DNAH3: variants seen among roughly 807,000 people sequenced by gnomAD.
The protein encoded by DNAH3 is axonemal beta dynein heavy chain 3.
In DNAH3, 332 loss-of-function variants were observed where a neutral mutation model predicts 432.5. The observed-to-expected ratio is 0.77, with a 90% CI of 0.70 to 0.84. The LOEUF (loss-of-function observed/expected upper bound fraction) is 0.84. DNAH3 is among the 40% of genes least tolerant of loss of function. The probability of loss-of-function intolerance (pLI) is 0.00; values close to 1 mark genes in which losing one functional copy is unlikely to be tolerated. For synonymous variants in DNAH3, 1,956 were observed against 1,900.2 expected, an observed-to-expected ratio of 1.03 and a Z score of -0.76; for missense variants, 4,861 against 5,114.0, an observed-to-expected ratio of 0.95 and a Z score of 1.51.
intron 42 of DNAH3, 138 bp from the exon 43 acceptor site, chr16:21,000,656 A>G (rs1011705307): frequency 1.5e-6 from 1 of 682,298 alleles, no homozygotes; most frequent in African/African-American, 1.8e-5. Context: ...TAACCTCTCC[A>G]TGGGCCTCAG....
intron 11 of DNAH3, among the ~76,000 whole-genome samples, chr16:21,117,641 C>G (rs17694467): frequency 0.18 from 27,573 of 152,136 alleles, 2,717 homozygotes; most frequent in South Asian, 0.23. Context: ...TTCCCTGTTT[C>G]AGGCTCACCT....
intron 49 of DNAH3, among the ~76,000 whole-genome samples, chr16:20,981,656 C>T (rs776241105): frequency 7.2e-5 from 11 of 151,966 alleles, no homozygotes; most frequent in Non-Finnish European, 1.2e-4. Context: ...ACCCGGGAGG[C>T]GGAGGTTGCT....
chr16:21,046,584 G>A (rs2089708358), intron 31 of DNAH3, among the ~76,000 whole-genome samples: 1 of 151,956 alleles, frequency 6.6e-6, no homozygotes, highest in South Asian at 2.1e-4. Flanking sequence ...CATGTGAGAT[G>A]GGTTTCCTGA....
chr16:20,955,045 G>A, exon 55 of DNAH3: 2 of 1,606,796 alleles, frequency 1.2e-6, no homozygotes, highest in Admixed American at 3.4e-5. Context: ...ATGGATAGCT[G>A]GTTAGCCAGA....
chr16:21,060,501 C>A, intron 25 of DNAH3, 145 bp from the exon 26 acceptor site: 1 of 579,954 alleles, frequency 1.7e-6, no homozygotes, highest in East Asian at 2.9e-5. Flanking sequence ...CTCTGTCTCC[C>A]CGTTCTTTTT....
Position 20,952,563 on chromosome 16 carries a change from A to G in DNAH3, c.11072-14T>C. Reference sequence around the variant, plus strand: ...GAATATTCCACCCTGCGTGTGGGAGAGCAGAGAGAGGCTTCAGTGCTGAGA... The same window carrying G: ...GAATATTCCACCCTGCGTGTGGGAGGGCAGAGAGAGGCTTCAGTGCTGAGA... On this transcript the variant is annotated splice_polypyrimidine_tract_variant and intron_variant, in intron 55 of 61. Coordinates refer to ENST00000261383, the Ensembl canonical transcript of DNAH3. 1 of 1,522,534 alleles carries G rather than the reference A, an allele frequency of 6.6e-7. No individual in the cohort carries two copies. The highest frequency in any genetic ancestry group is 9.1e-7 in the Non-Finnish European group (1 of 1,097,454). The allele number at this position is 1,522,534 out of a possible 1,614,324, so 94.3% of individuals were successfully genotyped here.
At chr16:21,140,508 C>T (rs747926983) in intron 5 of DNAH3, 28 bp downstream of exon 6, 37 of 1,603,446 alleles carry the variant, frequency 2.3e-5, no homozygotes, top group Admixed American at 5.0e-5. Context: ...CTCAGCAAAC[C>T]GAGGGAAAGG....
intron 20 of DNAH3, among the ~76,000 whole-genome samples, chr16:21,076,775 C>T (rs2090991158): frequency 6.6e-6 from 1 of 152,136 alleles, no homozygotes; most frequent in Admixed American, 6.6e-5. Flanking sequence ...AGTGGGAACT[C>T]TCATTCTATT....
chr16:21,154,144 C>T (rs1489923216), intron 1 of DNAH3, among the ~76,000 whole-genome samples: 2 of 152,214 alleles, frequency 1.3e-5, no homozygotes, highest in East Asian at 1.9e-4. Flanking sequence ...TGGCCCATGC[C>T]TATAATCCCA....
In DNAH3 at chr16:21,105,013, T is replaced by G. The variant is rs991370690; in HGVS notation, c.2285-461A>C. 5.3e-5 allele frequency among the ~76,000 whole-genome samples: 8 copies of G among 152,190 alleles called. 1 individual carries two copies. The highest frequency in any genetic ancestry group is 6.5e-5 in the Admixed American group (1 of 15,278). On this transcript the variant is annotated intron_variant, in intron 15 of 61. Transcript: ENST00000261383. ...CACTTCATCTGCATGTCGGTTTCCCTTTAGGTTAAATGGCAGTCATGGTAT... is the reference window on the plus strand; with the variant it reads ...CACTTCATCTGCATGTCGGTTTCCCGTTAGGTTAAATGGCAGTCATGGTAT...
chr16:20,936,780 C>G, exon 60 of DNAH3: 1 of 1,613,694 alleles, frequency 6.2e-7, no homozygotes, highest in Non-Finnish European at 8.5e-7. Flanking sequence ...TCCTCTAGCT[C>G]CGAGGACATC....
At chr16:21,041,433 G>A (rs2089437680) in intron 32 of DNAH3, among the ~76,000 whole-genome samples, 1 of 152,114 alleles carries the variant, frequency 6.6e-6, no homozygotes, top group Non-Finnish European at 1.5e-5. Context: ...GGCCTATGTT[G>A]ACCTAGATGG....
chr16:20,957,011 C>T (rs1231926697), intron 54 of DNAH3, among the ~76,000 whole-genome samples: 1 of 152,214 alleles, frequency 6.6e-6, no homozygotes, highest in African/African-American at 2.4e-5. Flanking sequence ...GTGTGAGCCA[C>T]CTCACTCGGC....
At chr16:21,036,899 T>C in intron 34 of DNAH3, 51 bp from the exon 35 acceptor site, 2 of 1,460,362 alleles carry the variant, frequency 1.4e-6, no homozygotes, top group Non-Finnish European at 1.9e-6. Context: ...ATCAGATATA[T>C]GACCTCAACA....
At chr16:21,041,932 C>A in intron 32 of DNAH3, 95 bp downstream of exon 32, 3 of 1,478,772 alleles carry the variant, frequency 2.0e-6, no homozygotes, top group Non-Finnish European at 2.8e-6. Context: ...CTTGGCCTCC[C>A]AAAGTGCTGG....
intron 27 of DNAH3, among the ~76,000 whole-genome samples, chr16:21,057,021 T>C (rs1438149396): frequency 6.6e-6 from 1 of 152,220 alleles, no homozygotes; most frequent in African/African-American, 2.4e-5. Flanking sequence ...CATATTCTAA[T>C]CCACAGCCAA....
chr16:21,109,819 G>A (rs2092030220), intron 14 of DNAH3, among the ~76,000 whole-genome samples: 1 of 151,568 alleles, frequency 6.6e-6, no homozygotes, highest in Non-Finnish European at 1.5e-5. Flanking sequence ...GTTCATTGCA[G>A]CCTCGACTTC....
exon 54 of DNAH3, chr16:20,959,276 C>A (rs779755293): frequency 6.2e-7 from 1 of 1,614,172 alleles, no homozygotes; most frequent in African/African-American, 1.3e-5. Context: ...TTCTGTAAGA[C>A]CACCCAGGTC....
Position 21,092,330 on chromosome 16 carries a change from T to C in DNAH3, c.2665+5025A>G, listed in dbSNP as rs1269376581. Among the ~76,000 whole-genome samples the C allele has an allele frequency of 2.0e-5, 3 of 152,098 alleles. No individual in the cohort carries two copies. The East Asian group carries it at 5.8e-4, about 29-fold the overall frequency. ...ATAGAACCACACAAATATAGTCAAC[T>C]GGTCTTTGATAAAAGAGCAAAGGCA... On this transcript the variant is annotated intron_variant, in intron 18 of 61. Coordinates refer to ENST00000261383, the Ensembl canonical transcript of DNAH3.
Sources: allele counts gnomAD v4.1 joint callset (sites outside exome capture counted in the v4.1 genomes callset), GRCh38; gene constraint gnomAD v4.1.1; transcripts MANE v1.5; gene names NCBI Gene and HGNC (gene_info 2026-07-23, HGNC 2026-07-21).